The following KIF16B variants were observed in gnomAD, a reference collection of about 807,000 sequenced individuals.
KIF16B encodes the protein kinesin-like protein KIF16B.
A neutral mutation model predicts 156.3 loss-of-function variants in KIF16B; 98 were observed. The observed-to-expected ratio is 0.63, with a 90% confidence interval of 0.53 to 0.74. The LOEUF is 0.74. Among genes scored for constraint, KIF16B ranks in the 30% least tolerant of loss-of-function variants. The pLI is 0.00. For missense variants in KIF16B, 1,421 were observed against 1,606.5 expected (o/e 0.88, Z 1.97); for synonymous variants, 564 against 583.7 (o/e 0.97, Z 0.49).
chr20:16,336,907 C>T (rs796836137), intron 23 of KIF16B, among the ~76,000 whole-genome samples: 4 of 152,308 alleles, frequency 2.6e-5, no homozygotes, highest in African/African-American at 9.6e-5. Context: ...GCCTTTGGGT[C>T]TCCTGTGGAC....
At chr20:16,297,804 C>A (rs2063413239) in intron 25 of KIF16B, among the ~76,000 whole-genome samples, 1 of 151,954 alleles carries the variant, frequency 6.6e-6, no homozygotes, top group Non-Finnish European at 1.5e-5. Context: ...CATACTGATT[C>A]TATCTCATGT....
intron 12 of KIF16B, among the ~76,000 whole-genome samples, chr20:16,462,307 G>A (rs1202289423): frequency 1.3e-5 from 2 of 151,936 alleles, no homozygotes; most frequent in Non-Finnish European, 2.9e-5. Flanking sequence ...CTACCTGAGA[G>A]GGCCCCTGCA....
intron 1 of KIF16B, among the ~76,000 whole-genome samples, chr20:16,551,933 G>T (rs1184107679): frequency 6.6e-6 from 1 of 152,202 alleles, no homozygotes; most frequent in Non-Finnish European, 1.5e-5. Flanking sequence ...TTCAAAGAAG[G>T]AGGGTGGGCG....
rs2065895514 is a variant in KIF16B, at chr20:16,410,038, TATATATATGTTGGTAC to T, written c.1613-3598_1613-3583del. Among the ~76,000 whole-genome samples, 5 of 89,030 alleles carry T rather than the reference TATATATATGTTGGTAC, an allele frequency of 5.6e-5. 1 individual carries two copies. Among genetic ancestry groups the T allele is most frequent in the African/African-American group, 2.4e-4 (5 of 20,494 alleles). The allele number at this position is 89,030 out of a possible 152,430, so 58.4% of individuals were successfully genotyped here. ...AGGTACATATATATATGTAGGTACATATATATATGTTGGTACATATATATATATGTAGGTACATATA... is the reference window on the plus strand; with the variant it reads ...AGGTACATATATATATGTAGGTACATATATATATATATGTAGGTACATATA... On this transcript the variant is annotated intron_variant, in intron 15 of 25. Coordinates refer to ENST00000354981, the MANE Select transcript of KIF16B (RefSeq NM_024704.5).
At chr20:16,305,247 G>A (rs570343951) in intron 25 of KIF16B, among the ~76,000 whole-genome samples, 2 of 151,786 alleles carry the variant, frequency 1.3e-5, no homozygotes, top group South Asian at 4.2e-4. Flanking sequence ...GCCAGACAAG[G>A]TTACTCTGTG....
intron 24 of KIF16B, among the ~76,000 whole-genome samples, chr20:16,330,940 C>G (rs1200850945): frequency 6.6e-6 from 1 of 152,244 alleles, no homozygotes; most frequent in Non-Finnish European, 1.5e-5. Flanking sequence ...TAGCTATCAC[C>G]TGGAGAAGTG....
chr20:16,334,971 A>G (rs1441788949), intron 24 of KIF16B, among the ~76,000 whole-genome samples: 1 of 152,244 alleles, frequency 6.6e-6, no homozygotes, highest in Non-Finnish European at 1.5e-5. Flanking sequence ...ACACCAGGGA[A>G]CTATTTTATT....
intron 3 of KIF16B, 118 bp from the exon 4 acceptor site, chr20:16,515,782 A>C: frequency 1.6e-6 from 1 of 613,762 alleles, no homozygotes; most frequent in Non-Finnish European, 2.9e-6. Context: ...AGACCATATA[A>C]ATAAATCACT....
At chr20:16,283,678 G>A (rs949444480) in intron 25 of KIF16B, among the ~76,000 whole-genome samples, 13 of 152,180 alleles carry the variant, frequency 8.5e-5, no homozygotes, top group Admixed American at 2.0e-4. Context: ...TACCACAAAC[G>A]TTGTGGCTGG....
rs1425654462 is a variant in KIF16B, at chr20:16,573,263, T to C, written c.13A>G (p.Lys5Glu). The change falls in exon 1 of 26, where the codon AAG becomes GAG. Residue 5 changes from lysine to glutamate, a missense_variant. Transcript: ENST00000354981. MASV[K>E]VAVRVRPMNR... is the part of the protein sequence containing the mutation. Reference sequence around the variant, plus strand: ...ATGGGCCGGACCCTCACGGCCACCTTGACCGATGCCATCGCTCATCCCGAA... The same window carrying C: ...ATGGGCCGGACCCTCACGGCCACCTCGACCGATGCCATCGCTCATCCCGAA... The C allele has an allele frequency of 6.2e-7, 1 of 1,608,938 alleles. No individual in the cohort carries two copies. The highest frequency in any genetic ancestry group is 8.5e-7 in the Non-Finnish European group (1 of 1,178,744).
intron 12 of KIF16B, among the ~76,000 whole-genome samples, chr20:16,432,028 T>C (rs917286881): frequency 6.6e-6 from 1 of 151,720 alleles, no homozygotes; most frequent in Non-Finnish European, 1.5e-5. Flanking sequence ...GCCAGAGGAA[T>C]GAATGAGTGA....
At chr20:16,276,104 T>C (rs1363901646) in intron 25 of KIF16B, among the ~76,000 whole-genome samples, 1 of 152,232 alleles carries the variant, frequency 6.6e-6, no homozygotes, top group Non-Finnish European at 1.5e-5. Flanking sequence ...ACAGGCTGCA[T>C]TAACAGGCAG....
chr20:16,437,087 T>C (rs1309335461), intron 12 of KIF16B, among the ~76,000 whole-genome samples: 1 of 152,156 alleles, frequency 6.6e-6, no homozygotes, highest in Non-Finnish European at 1.5e-5. Flanking sequence ...CCAAATACAA[T>C]GTAAGTGTGA....
At chr20:16,514,606 A>G (rs960266003) in intron 4 of KIF16B, among the ~76,000 whole-genome samples, 6 of 146,010 alleles carry the variant, frequency 4.1e-5, no homozygotes, top group Non-Finnish European at 7.6e-5. Flanking sequence ...AAAAAAAAAA[A>G]CAGGCCAGGC....
chr20:16,381,200 C>T (rs1268388618), intron 18 of KIF16B, among the ~76,000 whole-genome samples: 2 of 151,968 alleles, frequency 1.3e-5, no homozygotes, highest in South Asian at 2.1e-4. Context: ...CTCCACCCTG[C>T]CCCCCCATAC....
At chr20:16,341,045 G>C (rs1166581906) in intron 23 of KIF16B, among the ~76,000 whole-genome samples, 1 of 152,102 alleles carries the variant, frequency 6.6e-6, no homozygotes, top group Non-Finnish European at 1.5e-5. Flanking sequence ...TATAATAGAA[G>C]GTGGGATGCT....
intron 25 of KIF16B, among the ~76,000 whole-genome samples, chr20:16,278,781 C>T (rs1281265731): frequency 6.6e-6 from 1 of 152,208 alleles, no homozygotes; most frequent in Non-Finnish European, 1.5e-5. Context: ...TAGACTCAGG[C>T]TCCTGCCTGC....
chr20:16,489,849 C>A (rs1248059981), intron 12 of KIF16B, among the ~76,000 whole-genome samples: 1 of 152,120 alleles, frequency 6.6e-6, no homozygotes, highest in African/African-American at 2.4e-5. Flanking sequence ...ATGCTGCTAT[C>A]CATGCTATGC....
Position 16,456,802 on chromosome 20 carries a change from AT to A in KIF16B, c.1303-26821del, listed in dbSNP as rs2067224637. On this transcript the variant is annotated intron_variant, in intron 12 of 25. Coordinates refer to ENST00000354981, the MANE Select transcript of KIF16B (RefSeq NM_024704.5). ...ATCTGGCTTGGAGAAGAACATGAAA[AT>A]GGAAGCTGAACTCGCTTGCCATGTT... 2.0e-5 allele frequency among the ~76,000 whole-genome samples: 3 copies of A among 152,052 alleles called. No homozygotes were observed. The South Asian group carries it at 6.2e-4, about 32-fold the overall frequency.
Sources: gnomAD v4.1 joint callset for allele counts (sites outside exome capture counted in the v4.1 genomes callset) on GRCh38, gnomAD v4.1.1 for gene constraint, MANE v1.5 for transcripts, NCBI Gene and HGNC (gene_info 2026-07-23, HGNC 2026-07-21) for gene names.